SAMMSON: variants seen among roughly 807,000 people sequenced by gnomAD.
SAMMSON encodes the protein long intergenic non-protein coding RNA 1212.
chr3:70,369,085 T>C (rs978342537), intron 9 of SAMMSON, among the ~76,000 whole-genome samples: 2 of 151,676 alleles, frequency 1.3e-5, no homozygotes. Flanking sequence ...TATACCTCAG[T>C]ATTTTATTTT....
At chr3:70,189,066 C>T (rs1050754303) in intron 4 of SAMMSON, among the ~76,000 whole-genome samples, 2 of 152,104 alleles carry the variant, frequency 1.3e-5, no homozygotes, top group South Asian at 2.1e-4. Flanking sequence ...AGTAATATAC[C>T]GCCCCCAGCA....
chr3:70,164,903 C>G (rs1161989528), intron 4 of SAMMSON, among the ~76,000 whole-genome samples: 5 of 152,032 alleles, frequency 3.3e-5, no homozygotes, highest in Admixed American at 3.3e-4. Context: ...AAAAAGAAAA[C>G]TTACAAACTG....
chr3:70,312,756 A>C (rs935916266), intron 7 of SAMMSON: 1 of 144,360 alleles, frequency 6.9e-6, no homozygotes, highest in African/African-American at 2.6e-5. Context: ...TTTTTTTTTT[A>C]AGGTAATATA....
chr3:70,363,452 A>T (rs968941347), intron 9 of SAMMSON, among the ~76,000 whole-genome samples: 1 of 152,126 alleles, frequency 6.6e-6, no homozygotes, highest in East Asian at 1.9e-4. Context: ...ACACAAAAAA[A>T]ACCCTCTTAA....
intron 2 of SAMMSON, among the ~76,000 whole-genome samples, chr3:70,406,325 C>G (rs1475562821): frequency 6.6e-6 from 1 of 152,014 alleles, no homozygotes; most frequent in Non-Finnish European, 1.5e-5. Flanking sequence ...AATTCCATAT[C>G]CTATGAAAAT....
chr3:70,324,216 A>ATC (rs1428420548), intron 7 of SAMMSON, among the ~76,000 whole-genome samples: 1 of 150,400 alleles, frequency 6.6e-6, no homozygotes, highest in Admixed American at 6.7e-5. Flanking sequence ...CTATCTATCC[A>ATC]CACACACAGA....
intron 6 of SAMMSON, among the ~76,000 whole-genome samples, chr3:70,284,157 C>A (rs184334796): frequency 9.0e-4 from 137 of 152,156 alleles, no homozygotes; most frequent in African/African-American, 3.0e-3. Context: ...GCAAGAGTCA[C>A]AGTGTATTTC....
chr3:70,171,660 T>C (rs1700955749), intron 4 of SAMMSON, among the ~76,000 whole-genome samples: 1 of 151,918 alleles, frequency 6.6e-6, no homozygotes. Context: ...ATATGAATTA[T>C]CTTCATTAAT....
intron 4 of SAMMSON, among the ~76,000 whole-genome samples, chr3:70,104,117 T>G (rs936672511): frequency 2.0e-5 from 3 of 152,092 alleles, no homozygotes; most frequent in Admixed American, 6.6e-5. Flanking sequence ...TTGATTTTTC[T>G]GCTTTTTATT....
intron 7 of SAMMSON, among the ~76,000 whole-genome samples, chr3:70,297,445 C>G (rs1210756536): frequency 6.6e-6 from 1 of 151,906 alleles, no homozygotes; most frequent in Non-Finnish European, 1.5e-5. Flanking sequence ...TTAACCCTCA[C>G]GTTGTTTATT....
At position 70,348,838 on chromosome 3, in the gene SAMMSON, G is replaced by T. The variant is rs1259434884; in HGVS notation, n.740-5337G>T. Among the ~76,000 whole-genome samples the T allele has an allele frequency of 2.0e-5, 3 of 151,988 alleles. No homozygotes were observed. The East Asian group carries it at 5.8e-4, about 29-fold the overall frequency. On this transcript the variant is annotated intron_variant and non_coding_transcript_variant, in intron 7 of 9. Coordinates refer to ENST00000642114, the Ensembl canonical transcript of SAMMSON. ...CCAAGGAACATGGGAGCTCTGCGAG[G>T]GTTTTGATCAGATGAATGATGTGAT...
chr3:70,154,239 C>A (rs909878977), intron 4 of SAMMSON, among the ~76,000 whole-genome samples: 6 of 151,990 alleles, frequency 3.9e-5, no homozygotes, highest in African/African-American at 1.2e-4. Context: ...ATAGGGATTT[C>A]TATGTGCTAG....
At chr3:70,072,854 T>A (rs2067235551) in intron 4 of SAMMSON, among the ~76,000 whole-genome samples, 1 of 152,026 alleles carries the variant, frequency 6.6e-6, no homozygotes, top group Non-Finnish European at 1.5e-5. Context: ...GTTTACAGAT[T>A]GAAACTTATC....
At chr3:70,377,984 G>A (rs1225960413) in intron 9 of SAMMSON, among the ~76,000 whole-genome samples, 1 of 152,006 alleles carries the variant, frequency 6.6e-6, no homozygotes, top group Non-Finnish European at 1.5e-5. Flanking sequence ...CTCATACATT[G>A]ATGGTGGGAT....
rs151254463 is a variant in SAMMSON, at chr3:70,397,851, A to G, written n.233+39527A>G. 1.8e-3 allele frequency among the ~76,000 whole-genome samples: 270 copies of G among 152,336 alleles called. 1 individual carries two copies. The highest frequency in any genetic ancestry group is 6.0e-3 in the African/African-American group (250 of 41,574). On this transcript the variant is annotated intron_variant and non_coding_transcript_variant, in intron 2 of 3. Transcript: ENST00000641053. Reference sequence around the variant, plus strand: ...TTATTACTTGCTGATATATTAGACAAACTATAACACTATCCTTTATTTGTA... The same window carrying G: ...TTATTACTTGCTGATATATTAGACAGACTATAACACTATCCTTTATTTGTA...
intron 4 of SAMMSON, among the ~76,000 whole-genome samples, chr3:70,085,066 G>A (rs2067280591): frequency 6.6e-6 from 1 of 152,120 alleles, no homozygotes; most frequent in Admixed American, 6.6e-5. Flanking sequence ...ACGGTTTCTG[G>A]ATAAAGCGGT....
chr3:70,240,056 C>T (rs913137319), intron 4 of SAMMSON, among the ~76,000 whole-genome samples: 2 of 152,022 alleles, frequency 1.3e-5, no homozygotes, highest in Non-Finnish European at 2.9e-5. Flanking sequence ...TGCTTCAATG[C>T]TCAATACATC....
At chr3:70,304,498 C>G (rs1425497138) in intron 7 of SAMMSON, among the ~76,000 whole-genome samples, 1 of 152,128 alleles carries the variant, frequency 6.6e-6, no homozygotes, top group African/African-American at 2.4e-5. Flanking sequence ...CAATTTCTCT[C>G]TCTCACTTCA....
rs542357092 is a variant in SAMMSON, at chr3:70,126,457, T to A, written n.507+54892T>A. 3.5e-3 allele frequency: 2,340 copies of A among 670,272 alleles called. 19 individuals are homozygous for A. Among genetic ancestry groups the A allele is most frequent in the Non-Finnish European group, 2.9e-3 (1,041 of 364,514 alleles). 41.5% of individuals were successfully genotyped at this position (670,272 alleles called of 1,614,324 possible). On this transcript the variant is annotated intron_variant and non_coding_transcript_variant, in intron 4 of 9. Coordinates refer to ENST00000642114, the Ensembl canonical transcript of SAMMSON. ...TATCTGACAGGTCATGCACCAACCG[T>A]GCCTTGAAGTACTTCAGCAAGTCCT...
Sources: gnomAD v4.1 joint callset for allele counts (sites outside exome capture counted in the v4.1 genomes callset) on GRCh38, gnomAD v4.1.1 for gene constraint, MANE v1.5 for transcripts, NCBI Gene and HGNC (gene_info 2026-07-23, HGNC 2026-07-21) for gene names.